Variants in ATIC observed in about 807,000 individuals in gnomAD.
The protein encoded by ATIC is 5-aminoimidazole-4-carboxamide ribonucleotide formyltransferase/IMP cyclohydrolase, also known as bifunctional purine biosynthesis protein ATIC.
In ATIC, 64 loss-of-function variants were observed where a neutral mutation model predicts 72.5. The observed-to-expected ratio is 0.88, with a 90% CI of 0.72 to 1.09. The LOEUF (loss-of-function observed/expected upper bound fraction) is 1.09. Ranked by LOEUF, ATIC falls within the 50% of genes least tolerant of loss-of-function variation. The pLI is 0.00. For missense variants in ATIC, 787 were observed against 732.4 expected (o/e 1.07, Z -0.86); for synonymous variants, 281 against 267.1 (o/e 1.05, Z -0.51).
downstream of ATIC, among the ~76,000 whole-genome samples, chr2:215,352,748 A>G (rs752397037): frequency 3.1e-5 from 4 of 128,324 alleles, no homozygotes; most frequent in Non-Finnish European, 6.7e-5. Flanking sequence ...CAGTTTTTTG[A>G]TTGTGCAACC....
chr2:215,347,242 G>T, intron 14 of ATIC: 2 of 416,954 alleles, frequency 4.8e-6, no homozygotes, highest in Admixed American at 3.6e-5. Context: ...TGATGACAAG[G>T]ACTGCTTTTC....
At chr2:215,349,820 C>A, downstream of ATIC, 2 of 1,233,440 alleles carry the variant, frequency 1.6e-6, no homozygotes, top group Non-Finnish European at 2.3e-6. Context: ...TTTGAACTGA[C>A]ACATGACACA....
the ATIC span, chr2:215,363,068 TTC>T: frequency 1.3e-5 from 2 of 152,312 alleles, no homozygotes; most frequent in Middle Eastern, 3.4e-3. Flanking sequence ...TTAGACATAT[TTC>T]TCTGTTTAAG....
chr2:215,361,205 T>G, the ATIC span: 4 of 273,788 alleles, frequency 1.5e-5, no homozygotes, highest in Non-Finnish European at 2.1e-5. Context: ...CTTTCCTACT[T>G]AAAATTTTGG....
At chr2:215,336,199 C>T in intron 11 of ATIC, 75 bp downstream of exon 11, 1 of 1,114,592 alleles carries the variant, frequency 9.0e-7, no homozygotes, top group South Asian at 1.2e-5. Flanking sequence ...TTACTCTTTC[C>T]TTTATACTCA....
intron 4 of ATIC, among the ~76,000 whole-genome samples, chr2:215,320,525 G>A (rs73087596): frequency 0.033 from 4,949 of 152,246 alleles, 255 homozygotes; most frequent in African/African-American, 0.11. Flanking sequence ...AGAAGCAAGA[G>A]AGAGGGAGAG....
the ATIC span, among the ~76,000 whole-genome samples, chr2:215,359,577 T>C: frequency 4.0e-3 from 602 of 152,310 alleles, 2 homozygotes; most frequent in African/African-American, 0.014. Context: ...TAAAGATCAG[T>C]AATAAATAGA....
intron 5 of ATIC, 64 bp from the exon 6 acceptor site, chr2:215,325,923 T>G: frequency 6.3e-7 from 1 of 1,577,584 alleles, no homozygotes. Context: ...AATGACTTTA[T>G]TTAAAAGCGG....
At chr2:215,351,729 G>T (rs2053132397), downstream of ATIC, among the ~76,000 whole-genome samples, 1 of 152,186 alleles carries the variant, frequency 6.6e-6, no homozygotes, top group Non-Finnish European at 1.5e-5. Context: ...CTACTGAGGG[G>T]TATAACTCCC....
At chr2:215,357,013 C>G in the ATIC span, among the ~76,000 whole-genome samples, 1 of 152,106 alleles carries the variant, frequency 6.6e-6, no homozygotes, top group African/African-American at 2.4e-5. Flanking sequence ...CAGGCTGTTT[C>G]CCACAGCAGC....
chr2:215,326,240 G>C (rs1238922184), intron 6 of ATIC, 102 bp downstream of exon 6: 7 of 1,404,868 alleles, frequency 5.0e-6, no homozygotes, highest in Non-Finnish European at 7.0e-6. Flanking sequence ...ACCTACCAAA[G>C]CTTTGCTTGG....
At chr2:215,353,759 A>T (rs528044364), downstream of ATIC, among the ~76,000 whole-genome samples, 8 of 152,220 alleles carry the variant, frequency 5.3e-5, no homozygotes, top group East Asian at 1.5e-3. Flanking sequence ...ATGGGGTTTC[A>T]GAATGTTAGC....
At chr2:215,318,394 G>T (rs940052887) in intron 3 of ATIC, among the ~76,000 whole-genome samples, 161 bp downstream of exon 3, 9 of 152,210 alleles carry the variant, frequency 5.9e-5, no homozygotes. Flanking sequence ...GTTAGAACTG[G>T]TTTAAAATCC....
At chr2:215,331,140 A>G (rs887643673) in intron 7 of ATIC, among the ~76,000 whole-genome samples, 1 of 152,126 alleles carries the variant, frequency 6.6e-6, no homozygotes, top group African/African-American at 2.4e-5. Flanking sequence ...ATAAATACCT[A>G]ATATTTTCTT....
At chr2:215,312,724 C>G in intron 2 of ATIC, 100 bp downstream of exon 2, 2 of 1,557,736 alleles carry the variant, frequency 1.3e-6, no homozygotes, top group Non-Finnish European at 1.8e-6. Context: ...TTACTCCTCC[C>G]AGTAGCGCTG....
chr2:215,326,463 A>G (rs182732464), intron 6 of ATIC, among the ~76,000 whole-genome samples: 9 of 151,584 alleles, frequency 5.9e-5, no homozygotes, highest in Non-Finnish European at 1.2e-4. Flanking sequence ...AAATTAGCCG[A>G]GTGTGGTGTG....
At chr2:215,366,455 C>T in the ATIC span, among the ~76,000 whole-genome samples, 1 of 152,030 alleles carries the variant, frequency 6.6e-6, no homozygotes. Context: ...AAAAATGAAC[C>T]CGGATAAAAT....
intron 12 of ATIC, among the ~76,000 whole-genome samples, chr2:215,340,755 T>C (rs1326551547): frequency 6.6e-6 from 1 of 152,206 alleles, no homozygotes; most frequent in East Asian, 1.9e-4. Context: ...TGCTGTACGC[T>C]GAACTCGGCT....
Position 215,349,534 on chromosome 2 carries a change from A to G in ATIC, c.1660-2A>G. The G allele has an allele frequency of 6.2e-7, 1 of 1,614,166 alleles. No homozygotes were observed. The highest frequency in any genetic ancestry group is 8.5e-7 in the Non-Finnish European group (1 of 1,180,036). Reference sequence around the variant, plus strand: ...TTTTGAAAATCAATATACTTCCCCCAGAGTGGTGTGGCGTACATTGCGGCT... The same window carrying G: ...TTTTGAAAATCAATATACTTCCCCCGGAGTGGTGTGGCGTACATTGCGGCT... On this transcript the variant is annotated splice_acceptor_variant, in intron 15 of 15. Coordinates refer to ENST00000236959, the MANE Select transcript of ATIC (RefSeq NM_004044.7). LOFTEE classifies it high-confidence loss of function.
Sources: allele counts gnomAD v4.1 joint callset (sites outside exome capture counted in the v4.1 genomes callset), GRCh38; gene constraint gnomAD v4.1.1; transcripts MANE v1.5; gene names NCBI Gene and HGNC (gene_info 2026-07-23, HGNC 2026-07-21).